The following RNF180 variants were observed in gnomAD, a reference collection of about 807,000 sequenced individuals.
The protein encoded by RNF180 is ring finger protein 180.
A neutral mutation model predicts 59.2 loss-of-function variants in RNF180; 38 were observed. That is an observed-to-expected ratio of 0.64 (90% CI 0.50 to 0.84). RNF180 has a LOEUF of 0.84. Among genes scored for constraint, RNF180 ranks in the 40% least tolerant of loss-of-function variants. The pLI, the probability that RNF180 is intolerant of heterozygous loss-of-function variation, is 0.00. For synonymous variants in RNF180, 262 were observed against 240.3 expected, an observed-to-expected ratio of 1.09 and a Z score of -0.84; for missense variants, 705 against 700.9, an observed-to-expected ratio of 1.01 and a Z score of -0.07.
chr5:64,301,866 G>A (rs957188648), intron 5 of RNF180, among the ~76,000 whole-genome samples: 3 of 151,572 alleles, frequency 2.0e-5, no homozygotes, highest in African/African-American at 7.3e-5. Context: ...AAGTCAGATG[G>A]CCCAGCTTGA....
intron 5 of RNF180, among the ~76,000 whole-genome samples, chr5:64,313,056 T>C (rs1291889300): frequency 6.6e-6 from 1 of 152,142 alleles, no homozygotes; most frequent in Non-Finnish European, 1.5e-5. Flanking sequence ...TATTTGTATG[T>C]ACATAGTAAG....
chr5:64,350,479 C>T lies in RNF180; in HGVS notation c.1580-19136C>T, dbSNP rs535009368. ...TTTGGTGTTTTAGACATGAAGTCCT[C>T]GCCCATGCCTATGTCCTGAATTGTA... On this transcript the variant is annotated intron_variant, in intron 7 of 7. Coordinates refer to ENST00000389100, the MANE Select transcript of RNF180 (RefSeq NM_001113561.2). Among the ~76,000 whole-genome samples, 290 of 152,082 alleles carry T rather than the reference C, an allele frequency of 1.9e-3. 2 individuals are homozygous for T. Among genetic ancestry groups the T allele is most frequent in the African/African-American group, 5.7e-3 (237 of 41,490 alleles).
chr5:64,170,489 A>G (rs938912882), intron 1 of RNF180, among the ~76,000 whole-genome samples: 1 of 152,176 alleles, frequency 6.6e-6, no homozygotes, highest in African/African-American at 2.4e-5. Flanking sequence ...AAGTTATGTA[A>G]AGATTTGGGT....
chr5:64,186,447 A>G (rs1250398544), intron 1 of RNF180, among the ~76,000 whole-genome samples: 1 of 152,108 alleles, frequency 6.6e-6, no homozygotes, highest in Non-Finnish European at 1.5e-5. Flanking sequence ...CCTCAGGCTC[A>G]AGTCTTTATT....
chr5:64,166,367 T>C (rs986839003), intron 1 of RNF180: 61 of 152,760 alleles, frequency 4.0e-4, no homozygotes, highest in African/African-American at 1.4e-3. Flanking sequence ...TTTCGGAGCT[T>C]GTGGGGACCA....
chr5:64,186,530 C>T (rs1177377904), intron 1 of RNF180, among the ~76,000 whole-genome samples: 1 of 152,236 alleles, frequency 6.6e-6, no homozygotes, highest in Non-Finnish European at 1.5e-5. Context: ...GAACCCCTCT[C>T]ACCCTCTCAT....
chr5:64,305,785 T>C (rs1743414023), intron 5 of RNF180, among the ~76,000 whole-genome samples: 1 of 151,576 alleles, frequency 6.6e-6, no homozygotes. Context: ...TCATGTTGGC[T>C]GCTGCTCTGA....
rs187165767 is a variant in RNF180, at chr5:64,338,591, C to T, written c.1579+8185C>T. ...CAGAGCTTGCAGTGAGTGGAGATCG[C>T]GCCACTGCACTCCAGCCTGAGCAAC... is the stretch of plus-strand genomic sequence containing the variant. On this transcript the variant is annotated intron_variant, in intron 7 of 7. Transcript: ENST00000389100. Among the ~76,000 whole-genome samples, 701 of 150,246 alleles carry T rather than the reference C, an allele frequency of 4.7e-3. 5 individuals are homozygous for T. The highest frequency in any genetic ancestry group is 0.016 in the African/African-American group (648 of 40,806).
At chr5:64,324,353 G>T (rs1343141048) in intron 5 of RNF180, among the ~76,000 whole-genome samples, 1 of 152,118 alleles carries the variant, frequency 6.6e-6, no homozygotes, top group Non-Finnish European at 1.5e-5. Context: ...AGACACACCA[G>T]TGCACCTAAC....
At chr5:64,352,156 C>T (rs892920824) in intron 7 of RNF180, among the ~76,000 whole-genome samples, 4 of 151,720 alleles carry the variant, frequency 2.6e-5, no homozygotes, top group South Asian at 2.1e-4. Flanking sequence ...GAGGAATTTA[C>T]CCATTTCTTC....
At chr5:64,191,888 TTC>T (rs1356140425) in intron 1 of RNF180, among the ~76,000 whole-genome samples, 1 of 152,238 alleles carries the variant, frequency 6.6e-6, no homozygotes, top group Non-Finnish European at 1.5e-5. Flanking sequence ...CCAAAAAACT[TTC>T]TCTGTTTTCT....
In RNF180 at chr5:64,212,162, T is replaced by C. The variant is rs953869079; in HGVS notation, c.231+2T>C. 1 of 1,518,008 alleles carries C rather than the reference T, an allele frequency of 6.6e-7. No individual in the cohort carries two copies. Among genetic ancestry groups the C allele is most frequent in the African/African-American group, 1.4e-5 (1 of 73,106 alleles). The allele number at this position is 1,518,008 out of a possible 1,614,324, so 94.0% of individuals were successfully genotyped here. A position where few individuals can be genotyped will look rare whatever the true frequency, so the allele number is the denominator to read the frequency against. ...TGGATAAGCTGCCTAATCCAAAAAG[T>C]AAGTTCTTAGTTTCTGAGTAAAATT... On this transcript the variant is annotated splice_donor_variant, in intron 3 of 7. Transcript: ENST00000389100. LOFTEE classifies it high-confidence loss of function.
At chr5:64,175,753 A>G in intron 1 of RNF180, among the ~76,000 whole-genome samples, 1 of 152,084 alleles carries the variant, frequency 6.6e-6, no homozygotes. Flanking sequence ...ATATCTTTCT[A>G]TATATTTGCA....
chr5:64,185,257 A>G (rs528244735), intron 1 of RNF180, among the ~76,000 whole-genome samples: 5 of 152,218 alleles, frequency 3.3e-5, no homozygotes, highest in Non-Finnish European at 7.3e-5. Flanking sequence ...TTTCATCATA[A>G]CAGTGTTTGT....
intron 6 of RNF180, among the ~76,000 whole-genome samples, chr5:64,327,192 A>T (rs1199498342): frequency 6.6e-6 from 1 of 151,662 alleles, no homozygotes. Flanking sequence ...TTCTTAGTCT[A>T]GCTAATAGTT....
intron 1 of RNF180, among the ~76,000 whole-genome samples, chr5:64,173,374 TA>T (rs1315563546): frequency 6.6e-6 from 1 of 152,192 alleles, no homozygotes; most frequent in Non-Finnish European, 1.5e-5. Flanking sequence ...ATATTGTACA[TA>T]TTTGGGGGTA....
intron 5 of RNF180, among the ~76,000 whole-genome samples, chr5:64,314,156 T>A (rs912613127): frequency 7.9e-5 from 12 of 152,132 alleles, no homozygotes; most frequent in Admixed American, 7.2e-4. Context: ...AGCAAAGGTG[T>A]CAGGTGTGAA....
intron 5 of RNF180, among the ~76,000 whole-genome samples, chr5:64,297,612 A>C (rs938896775): frequency 1.3e-5 from 2 of 152,066 alleles, no homozygotes; most frequent in South Asian, 4.1e-4. Flanking sequence ...TCTTTCACCA[A>C]GGTTAGTTCA....
At chr5:64,288,569 T>C (rs1012905591) in intron 5 of RNF180, among the ~76,000 whole-genome samples, 2 of 152,184 alleles carry the variant, frequency 1.3e-5, no homozygotes, top group Non-Finnish European at 2.9e-5. Context: ...CTTATTTCAT[T>C]GAGCAGTGGT....
Sources: allele counts gnomAD v4.1 joint callset (sites outside exome capture counted in the v4.1 genomes callset), GRCh38; gene constraint gnomAD v4.1.1; transcripts MANE v1.5; gene names NCBI Gene and HGNC (gene_info 2026-07-23, HGNC 2026-07-21).